RHAG: variants seen among roughly 807,000 people sequenced by gnomAD.
RHAG encodes ammonium transporter Rh type A.
Under a neutral mutation model 42.4 loss-of-function variants are expected in RHAG, and 25 were observed. The ratio of observed to expected loss-of-function variants is 0.59; its 90% CI spans 0.43 to 0.82. The LOEUF (loss-of-function observed/expected upper bound fraction) is 0.82, where lower values mean the gene tolerates loss of function less well. Ranked by LOEUF, RHAG falls within the 40% of genes least tolerant of loss-of-function variation. RHAG has a pLI of 0.00. For missense variants in RHAG, 483 were observed against 504.6 expected (o/e 0.96, Z 0.41); for synonymous variants, 182 against 177.7 (o/e 1.02, Z -0.19).
At chr6:49,612,821 A>G (rs1762589024) in intron 5 of RHAG, among the ~76,000 whole-genome samples, 1 of 152,132 alleles carries the variant, frequency 6.6e-6, no homozygotes, top group South Asian at 2.1e-4. Context: ...TTGTAGTGGG[A>G]GGGTAGGAGT....
intron 1 of RHAG, among the ~76,000 whole-genome samples, chr6:49,623,597 G>A (rs193036443): frequency 6.6e-4 from 100 of 152,308 alleles, no homozygotes; most frequent in East Asian, 4.6e-3. Context: ...TTAACCCCCA[G>A]ACTACATTTG....
chr6:49,608,086 T>G (rs966888653), intron 7 of RHAG, among the ~76,000 whole-genome samples: 2 of 152,198 alleles, frequency 1.3e-5, no homozygotes, highest in African/African-American at 4.8e-5. Flanking sequence ...CAGAAAAGTT[T>G]AATATCCCTC....
chr6:49,634,845 G>A (rs1303871999), intron 1 of RHAG, among the ~76,000 whole-genome samples: 1 of 151,714 alleles, frequency 6.6e-6, no homozygotes, highest in Non-Finnish European at 1.5e-5. Flanking sequence ...ATATACATTT[G>A]AGGTATACAA....
At chr6:49,608,448 C>T (rs1173901999) in intron 7 of RHAG, among the ~76,000 whole-genome samples, 1 of 149,204 alleles carries the variant, frequency 6.7e-6, no homozygotes, top group Non-Finnish European at 1.5e-5. Flanking sequence ...GAGGTGATCT[C>T]AGCTCACTGC....
At chr6:49,634,006 G>A (rs1362029114) in intron 1 of RHAG, among the ~76,000 whole-genome samples, 1 of 151,838 alleles carries the variant, frequency 6.6e-6, no homozygotes, top group East Asian at 1.9e-4. Context: ...TACGTAATAT[G>A]TATACACATT....
chr6:49,625,911 T>G (rs918560381), intron 1 of RHAG, among the ~76,000 whole-genome samples: 2 of 152,154 alleles, frequency 1.3e-5, no homozygotes, highest in Non-Finnish European at 2.9e-5. Flanking sequence ...CAAGAGAGCT[T>G]GTGTAGGACA....
intron 7 of RHAG, 23 bp downstream of exon 7, chr6:49,611,001 G>T: frequency 1.9e-6 from 3 of 1,613,574 alleles, no homozygotes; most frequent in Non-Finnish European, 2.5e-6. Flanking sequence ...CACAGGGGCT[G>T]AAAAACCCAT....
At chr6:49,609,912 C>G (rs144436471) in intron 7 of RHAG, among the ~76,000 whole-genome samples, 1 of 152,086 alleles carries the variant, frequency 6.6e-6, no homozygotes, top group Non-Finnish European at 1.5e-5. Flanking sequence ...AGTTAATGTC[C>G]TTTGCAGGGA....
intron 5 of RHAG, among the ~76,000 whole-genome samples, chr6:49,613,152 C>T (rs1243008804): frequency 1.3e-5 from 2 of 151,620 alleles, no homozygotes; most frequent in African/African-American, 2.4e-5. Context: ...TCACTGCAAC[C>T]TCCACCTCCT....
intron 6 of RHAG, among the ~76,000 whole-genome samples, chr6:49,611,481 A>C (rs986922227): frequency 1.3e-5 from 2 of 152,158 alleles, no homozygotes; most frequent in African/African-American, 4.8e-5. Context: ...CATGCTGTGC[A>C]TTAGCGCTCT....
intron 1 of RHAG, among the ~76,000 whole-genome samples, chr6:49,631,148 T>A (rs1041445338): frequency 1.3e-5 from 2 of 152,188 alleles, no homozygotes; most frequent in African/African-American, 4.8e-5. Flanking sequence ...CTGATAATGG[T>A]AGGTTTGACC....
At position 49,612,482 on chromosome 6, in the gene RHAG, G is replaced by A. The variant is rs776794832; in HGVS notation, c.860C>T (p.Ala287Val). The A allele has an allele frequency of 1.1e-5, 17 of 1,613,944 alleles. No individual in the cohort carries two copies. The highest frequency in any genetic ancestry group is 2.7e-5 in the African/African-American group (2 of 75,026). The change falls in exon 6 of 10, where the codon GCG (alanine) becomes GTG (valine). Residue 287 changes from alanine (A) to valine (V), a missense_variant. Physicochemically the swap from Ala to Val is moderately conservative, Grantham distance 64 (BLOSUM62 0). Transcript: ENST00000371175. ...LAGGVAVGTC[A>V]DMAIHPFGSM... ...ACCAAATGGGTGAATTGCCATATCC[G>A]CACAAGTGCCCACAGCAACTCCTCC...
chr6:49,612,548 A>G lies in RHAG; in HGVS notation c.808-14T>C, dbSNP rs538264051. The G allele has an allele frequency of 1.9e-5, 30 of 1,613,998 alleles. No individual in the cohort carries two copies. The South Asian group carries it at 3.0e-4, about 16-fold the overall frequency. ...CTGAATGTGAACCTGTGTGAGCGGC[A>G]GAAACATAAATGAGGTGAGCTGGAT... On this transcript the variant is annotated splice_polypyrimidine_tract_variant and intron_variant, in intron 5 of 9. Coordinates refer to ENST00000371175, the MANE Select transcript of RHAG (RefSeq NM_000324.3).
At chr6:49,616,423 G>A (rs1165058217) in intron 3 of RHAG, among the ~76,000 whole-genome samples, 3 of 149,364 alleles carry the variant, frequency 2.0e-5, no homozygotes, top group African/African-American at 5.0e-5. Flanking sequence ...ACTTGAAATT[G>A]CAGTTAAAGC....
rs1174856945 is a variant in RHAG, at chr6:49,614,783, G to T, written c.711C>A (p.Cys237Ter). The change falls in exon 5 of 10, where the codon TGC (cysteine) becomes TGA (stop). Residue 237 changes from cysteine to a stop codon, truncating the protein, a stop_gained. Coordinates refer to ENST00000371175, the MANE Select transcript of RHAG (RefSeq NM_000324.3). LOFTEE classifies it high-confidence loss of function. ...AGAAGTACGTGTTTACAATGGCCCT[G>T]CACTGTTTGTCTCCAGGTTCAGCAA... ...SAIAEPGDKQCRAIVNTYFSL... is the reference protein window; with the variant it reads ...SAIAEPGDKQ 2.5e-6 allele frequency: 4 copies of T among 1,614,012 alleles called. No individual in the cohort carries two copies. The highest frequency in any genetic ancestry group is 2.5e-6 in the Non-Finnish European group (3 of 1,180,002).
rs1480318783 is a variant in RHAG at position 49,611,132 on chromosome 6, G to A, written c.959C>T (p.Thr320Ile). 1 of 1,613,126 alleles carries A rather than the reference G, an allele frequency of 6.2e-7. No homozygotes were observed. Among genetic ancestry groups the A allele is most frequent in the African/African-American group, 1.3e-5 (1 of 75,010 alleles). The change falls in exon 7 of 10, where the codon ACT becomes ATT. Residue 320 changes from threonine (T) to isoleucine (I), a missense_variant. Thr to Ile is a moderately conservative substitution (Grantham distance 89). Transcript: ENST00000371175. ...GYKFLTPLFT[T>I]KLRIHDTCGV... ...ACATGTATCATGGATCCTCAGTTTA[G>A]TAGTAAAAAGTGGCTAAAATTATAA...
Position 49,605,498 on chromosome 6 carries a change from T to C in RHAG, c.*315A>G. The C allele has an allele frequency of 2.4e-6, 1 of 418,046 alleles. No individual in the cohort carries two copies. 25.9% of individuals were successfully genotyped at this position (418,046 alleles called of 1,614,324 possible). A position where few individuals can be genotyped will look rare whatever the true frequency, so the allele number is the denominator to read the frequency against. ...TACATTAAGAAACTGACATGTTTACTCTGTATTTACTCACTGCCAAAAGCT... is the reference window on the plus strand; with the variant it reads ...TACATTAAGAAACTGACATGTTTACCCTGTATTTACTCACTGCCAAAAGCT... On this transcript the variant is annotated 3_prime_UTR_variant, in exon 10 of 10. Coordinates refer to ENST00000371175, the MANE Select transcript of RHAG (RefSeq NM_000324.3).
intron 1 of RHAG, among the ~76,000 whole-genome samples, chr6:49,634,477 G>C (rs72873836): frequency 4.6e-5 from 7 of 152,064 alleles, no homozygotes; most frequent in Non-Finnish European, 7.4e-5. Context: ...CAAAGAAAAT[G>C]AAATCAGTAT....
At position 49,606,919 on chromosome 6, in the gene RHAG, A is replaced by T. The variant is rs1762479428; in HGVS notation, c.1141T>A (p.Leu381Ile). ...TAVVGGLMTG[L>I]ILKLPLWGQP... is the part of the protein sequence containing the mutation. The stretch of plus-strand genomic sequence containing the variant: ...CCCCAGAGAGGCAACTTTAGAATTA[A>T]ACCTGTGACGGTAGAGGGAAAATGA... Residue 381 changes from leucine to isoleucine, a missense_variant and splice_region_variant, in exon 9 of 10, where the codon TTA (leucine) becomes ATA (isoleucine). Leu to Ile is a conservative substitution (Grantham distance 5). Transcript: ENST00000371175. 1 of 1,608,778 alleles carries T rather than the reference A, an allele frequency of 6.2e-7. No homozygotes were observed. The highest frequency in any genetic ancestry group is 1.3e-5 in the African/African-American group (1 of 74,810).
Sources: allele counts gnomAD v4.1 joint callset (sites outside exome capture counted in the v4.1 genomes callset), GRCh38; gene constraint gnomAD v4.1.1; transcripts MANE v1.5; gene names NCBI Gene and HGNC (gene_info 2026-07-23, HGNC 2026-07-21).